Variants in CNOT6 observed in about 807,000 individuals in gnomAD.
CNOT6 encodes CCR4-NOT transcription complex subunit 6.
Under a neutral mutation model 61.2 loss-of-function variants are expected in CNOT6, and 12 were observed. The ratio of observed to expected loss-of-function variants is 0.20; its 90% confidence interval spans 0.13 to 0.32. CNOT6 has a LOEUF of 0.32. Among genes scored for constraint, CNOT6 ranks in the 10% least tolerant of loss-of-function variants. CNOT6 has a pLI of 1.00. For missense variants in CNOT6, 405 were observed against 663.9 expected (o/e 0.61, Z 4.28); for synonymous variants, 225 against 240.6 (o/e 0.94, Z 0.60).
chr5:180,538,913 C>T (rs1053970430), intron 2 of CNOT6, among the ~76,000 whole-genome samples: 42 of 151,450 alleles, frequency 2.8e-4, no homozygotes, highest in Non-Finnish European at 5.0e-4. Context: ...CGGTAGCTTA[C>T]GCCTATAATC....
chr5:180,529,213 A>T, intron 1 of CNOT6, 62 bp from the exon 2 acceptor site: 175 of 766,198 alleles, frequency 2.3e-4, no homozygotes, highest in Non-Finnish European at 3.6e-4. Flanking sequence ...AAAAAAAAAA[A>T]GGTGTTGTGG....
intron 4 of CNOT6, among the ~76,000 whole-genome samples, chr5:180,560,039 C>T (rs1760088345): frequency 6.6e-6 from 1 of 151,492 alleles, no homozygotes; most frequent in African/African-American, 2.4e-5. Flanking sequence ...AGTTCCGCCT[C>T]CTGGGTTCAA....
chr5:180,547,779 A>C (rs1418068554), intron 2 of CNOT6, among the ~76,000 whole-genome samples: 1 of 152,058 alleles, frequency 6.6e-6, no homozygotes, highest in Non-Finnish European at 1.5e-5. Flanking sequence ...TGTCGCCCAG[A>C]CTGGAGTGCA....
At chr5:180,562,021 T>TA (rs1290263554) in intron 4 of CNOT6, among the ~76,000 whole-genome samples, 20 of 152,242 alleles carry the variant, frequency 1.3e-4, no homozygotes, top group Admixed American at 5.9e-4. Flanking sequence ...TTTGTCCTTT[T>TA]AGGCAGCCCT....
chr5:180,526,800 G>A (rs1188299936), intron 1 of CNOT6, among the ~76,000 whole-genome samples: 2 of 152,076 alleles, frequency 1.3e-5, no homozygotes, highest in Middle Eastern at 6.8e-3. Flanking sequence ...ATATGCATGG[G>A]AGTGATGTTT....
intron 1 of CNOT6, among the ~76,000 whole-genome samples, chr5:180,500,320 C>T (rs543099794): frequency 3.3e-5 from 5 of 152,176 alleles, no homozygotes; most frequent in South Asian, 4.2e-4. Context: ...CTACGTTGCC[C>T]GGTTTGGTCT....
chr5:180,538,944 G>A (rs1248170234), intron 2 of CNOT6, among the ~76,000 whole-genome samples: 1 of 151,656 alleles, frequency 6.6e-6, no homozygotes, highest in African/African-American at 2.4e-5. Flanking sequence ...GGGAGGCCAG[G>A]GCAGGCAGAT....
In CNOT6 at chr5:180,577,165, G is replaced by GTGTGTGTGTGTGTGTGTGTGTGTA. The variant is rs1761041648; in HGVS notation, c.*2988_*2989insATGTGTGTGTGTGTGTGTGTGTGT. On this transcript the variant is annotated 3_prime_UTR_variant, in exon 12 of 12. Transcript: ENST00000261951. ...ATAGGCAGAGAACATCTCCAGAAAT[G>GTGTGTGTGTGTGTGTGTGTGTGTA]TGTGTGTGTGTGTGTGTGTGTGTGT... is the stretch of plus-strand genomic sequence containing the variant. 1.4e-5 allele frequency: 2 copies of GTGTGTGTGTGTGTGTGTGTGTGTA among 145,790 alleles called. No individual in the cohort carries two copies. The highest frequency in any genetic ancestry group is 5.2e-5 in the African/African-American group (2 of 38,676). 9.0% of individuals were successfully genotyped at this position (145,790 alleles called of 1,614,324 possible).
intron 3 of CNOT6, among the ~76,000 whole-genome samples, chr5:180,553,094 G>A (rs1759703466): frequency 6.6e-6 from 1 of 152,140 alleles, no homozygotes; most frequent in South Asian, 2.1e-4. Context: ...GATTAATACA[G>A]CAGTTGAGGA....
At chr5:180,562,200 TTC>T (rs1491202594) in intron 4 of CNOT6, among the ~76,000 whole-genome samples, 2 of 152,194 alleles carry the variant, frequency 1.3e-5, no homozygotes, top group African/African-American at 4.8e-5. Context: ...CTATTCTGCC[TTC>T]TCTCCTTTTT....
Position 180,515,724 on chromosome 5 carries a change from A to T in CNOT6, c.-2-13551A>T, listed in dbSNP as rs112232424. Among the ~76,000 whole-genome samples the T allele has an allele frequency of 3.9e-3, 577 of 148,812 alleles. 7 individuals carry two copies. Among genetic ancestry groups the T allele is most frequent in the Non-Finnish European group, 6.6e-3 (443 of 67,424 alleles). On this transcript the variant is annotated intron_variant, in intron 1 of 11. Transcript: ENST00000261951. ...AGTAGCTCTAAGGAGCCTGATTACT[A>T]AAAAAAAAGGGGGTCTTTCTGCACG... is the stretch of plus-strand genomic sequence containing the variant.
chr5:180,574,473 A>C lies in CNOT6; in HGVS notation c.*273A>C. ...GATTTTCCTATTTCTTCTACCCAATAGAATATTTTCATGCCTGGAAATAGG... is the reference window on the plus strand; with the variant it reads ...GATTTTCCTATTTCTTCTACCCAATCGAATATTTTCATGCCTGGAAATAGG... On this transcript the variant is annotated 3_prime_UTR_variant, in exon 12 of 12. Transcript: ENST00000261951. The C allele has an allele frequency of 2.1e-6, 1 of 480,808 alleles. No homozygotes were observed. The highest frequency in any genetic ancestry group is 3.8e-6 in the Non-Finnish European group (1 of 265,326). 29.8% of individuals were successfully genotyped at this position (480,808 alleles called of 1,614,324 possible).
chr5:180,571,678 A>G (rs1760756291), intron 11 of CNOT6, among the ~76,000 whole-genome samples: 1 of 151,902 alleles, frequency 6.6e-6, no homozygotes, highest in Non-Finnish European at 1.5e-5. Context: ...CGATCCTCTC[A>G]CCTCGGCCTC....
chr5:180,506,338 G>T (rs1435439277), intron 1 of CNOT6, among the ~76,000 whole-genome samples: 1 of 152,192 alleles, frequency 6.6e-6, no homozygotes, highest in Non-Finnish European at 1.5e-5. Flanking sequence ...AATAACAGTT[G>T]TGTCATTTAG....
intron 2 of CNOT6, among the ~76,000 whole-genome samples, chr5:180,536,312 T>C (rs2127728483): frequency 6.6e-6 from 1 of 152,234 alleles, no homozygotes; most frequent in East Asian, 1.9e-4. Flanking sequence ...GGTTGTTTTT[T>C]TCATGTTGAG....
At chr5:180,556,816 C>G (rs772442682) in intron 4 of CNOT6, among the ~76,000 whole-genome samples, 13 of 152,136 alleles carry the variant, frequency 8.5e-5, no homozygotes, top group Non-Finnish European at 1.8e-4. Context: ...ATTAGCCAGG[C>G]ATGGTGGCAG....
intron 3 of CNOT6, among the ~76,000 whole-genome samples, 167 bp downstream of exon 3, chr5:180,550,284 T>C (rs1463338420): frequency 1.3e-5 from 2 of 152,058 alleles, no homozygotes; most frequent in African/African-American, 2.4e-5. Context: ...ACCCCATCTC[T>C]ACTAAAAATA....
rs539491853 is a variant in CNOT6 at position 180,545,854 on chromosome 5, C to T, written c.113-4077C>T. Among the ~76,000 whole-genome samples the T allele has an allele frequency of 9.2e-5, 14 of 152,196 alleles. 1 individual carries two copies. In the South Asian group the frequency reaches 2.7e-3, roughly 29 times the overall value. ...CACCAACACAAGTCTTAAATTTAGC[C>T]ATTCTTCTGGGTATGTAGTGCTATC... On this transcript the variant is annotated intron_variant, in intron 2 of 11. Transcript: ENST00000261951.
At chr5:180,538,205 A>G (rs942356941) in intron 2 of CNOT6, among the ~76,000 whole-genome samples, 2 of 151,622 alleles carry the variant, frequency 1.3e-5, no homozygotes, top group African/African-American at 4.8e-5. Flanking sequence ...CTGCCGGCTA[A>G]TTTATTGTAT....
Sources: gnomAD v4.1 joint callset for allele counts (sites outside exome capture counted in the v4.1 genomes callset) on GRCh38, gnomAD v4.1.1 for gene constraint, MANE v1.5 for transcripts, NCBI Gene and HGNC (gene_info 2026-07-23, HGNC 2026-07-21) for gene names.